Variants in PIWIL2 observed in about 807,000 individuals in gnomAD.
The protein encoded by PIWIL2 is piwi-like protein 2.
A neutral mutation model predicts 116.5 loss-of-function variants in PIWIL2; 81 were observed. That is an observed-to-expected ratio of 0.70 (90% CI 0.58 to 0.84). PIWIL2 has a LOEUF of 0.84. PIWIL2 is among the 40% of genes least tolerant of loss of function. The pLI is 0.00. For missense variants in PIWIL2, 1,272 were observed against 1,212.3 expected (o/e 1.05, Z -0.73); for synonymous variants, 489 against 429.5 (o/e 1.14, Z -1.71).
At position 22,308,871 on chromosome 8, in the gene PIWIL2, G is replaced by C. The variant is rs115439502; in HGVS notation, c.1686+798G>C. 4.6e-5 allele frequency among the ~76,000 whole-genome samples: 7 copies of C among 151,908 alleles called. 1 individual carries two copies. In the South Asian group the frequency reaches 1.3e-3, roughly 27 times the overall value. On this transcript the variant is annotated intron_variant, in intron 14 of 22. Transcript: ENST00000356766. ...ACCATGTTGCCATGGCTGGTCTCTCGAGCTCCTGACCTCAAATGATCCGCC... is the reference window on the plus strand; with the variant it reads ...ACCATGTTGCCATGGCTGGTCTCTCCAGCTCCTGACCTCAAATGATCCGCC...
chr8:22,303,231 C>T (rs994034669), intron 10 of PIWIL2, among the ~76,000 whole-genome samples: 2 of 152,146 alleles, frequency 1.3e-5, no homozygotes, highest in African/African-American at 2.4e-5. Context: ...TATACACATA[C>T]AAACACACCA....
At chr8:22,289,152 C>CTTTTTTTTTTTTTTTTT (rs374688951) in intron 8 of PIWIL2, among the ~76,000 whole-genome samples, 2 of 135,310 alleles carry the variant, frequency 1.5e-5, no homozygotes, top group African/African-American at 2.7e-5. Context: ...TTTCTTTTTT[C>CTTTTTTTTTTTTTTTTT]TTTTTTTTTT....
chr8:22,310,961 AT>A (rs1831314543), intron 15 of PIWIL2, 150 bp from the exon 16 acceptor site: 5 of 650,980 alleles, frequency 7.7e-6, no homozygotes, highest in Admixed American at 3.0e-5. Context: ...CAGTTTTCTT[AT>A]CATGTACGTT....
chr8:22,327,466 G>A (rs1459847730), intron 20 of PIWIL2, among the ~76,000 whole-genome samples: 1 of 149,734 alleles, frequency 6.7e-6, no homozygotes, highest in Non-Finnish European at 1.5e-5. Context: ...CTCCCGGGTT[G>A]AAGCGATTCT....
At chr8:22,331,600 A>T (rs761202866) in intron 20 of PIWIL2, among the ~76,000 whole-genome samples, 14 of 152,216 alleles carry the variant, frequency 9.2e-5, no homozygotes, top group Non-Finnish European at 2.1e-4. Context: ...TGAAAACTAC[A>T]GTAACTGAAA....
Position 22,352,811 on chromosome 8 carries a change from T to C in PIWIL2, c.2404-148T>C, listed in dbSNP as rs913257538. The stretch of plus-strand genomic sequence containing the variant: ...TCTAGAAATGATTAGAAGCTTTTTT[T>C]CCCTGCCCTCTAGGCACAGTAGCTT... On this transcript the variant is annotated intron_variant, in intron 20 of 22. Coordinates refer to ENST00000356766, the MANE Select transcript of PIWIL2 (RefSeq NM_018068.5). The C allele has an allele frequency of 7.0e-6, 5 of 711,276 alleles. No individual in the cohort carries two copies. The African/African-American group carries it at 7.1e-5, about 10-fold the overall frequency. 44.1% of individuals were successfully genotyped at this position (711,276 alleles called of 1,614,324 possible).
At chr8:22,293,986 G>T (rs1298299908) in intron 10 of PIWIL2, among the ~76,000 whole-genome samples, 1 of 152,166 alleles carries the variant, frequency 6.6e-6, no homozygotes, top group Non-Finnish European at 1.5e-5. Context: ...TGACTAGGGA[G>T]AATGTTCACT....
intron 10 of PIWIL2, among the ~76,000 whole-genome samples, chr8:22,290,966 G>GTATATATATATATATATATATATA (rs1187699809): frequency 1.3e-4 from 20 of 148,384 alleles, no homozygotes; most frequent in Non-Finnish European, 1.8e-4. Context: ...ATACAGATGT[G>GTATATATATATATATATATATATA]TATATATATT....
At chr8:22,280,734 T>A (rs893435516) in intron 2 of PIWIL2, among the ~76,000 whole-genome samples, 1 of 152,236 alleles carries the variant, frequency 6.6e-6, no homozygotes, top group Non-Finnish European at 1.5e-5. Flanking sequence ...ACTTGTTCTC[T>A]CTTGCCTTGA....
At chr8:22,302,349 T>C (rs1365685333) in intron 10 of PIWIL2, among the ~76,000 whole-genome samples, 1 of 152,040 alleles carries the variant, frequency 6.6e-6, no homozygotes, top group Non-Finnish European at 1.5e-5. Context: ...GCCCAGTTAA[T>C]TTTTGTATTT....
chr8:22,324,542 C>A (rs1445690257), intron 20 of PIWIL2, among the ~76,000 whole-genome samples: 1 of 152,062 alleles, frequency 6.6e-6, no homozygotes, highest in African/African-American at 2.4e-5. Context: ...TCCCTGTGAA[C>A]CCCAGTTTTG....
chr8:22,339,719 T>C (rs1168969930), intron 20 of PIWIL2, among the ~76,000 whole-genome samples: 2 of 152,198 alleles, frequency 1.3e-5, no homozygotes, highest in African/African-American at 2.4e-5. Context: ...AAGTCATTCA[T>C]CCGATACATA....
chr8:22,339,286 T>G (rs1187319009), intron 20 of PIWIL2, among the ~76,000 whole-genome samples: 2 of 152,084 alleles, frequency 1.3e-5, no homozygotes, highest in Non-Finnish European at 2.9e-5. Flanking sequence ...GGTGGGCAGA[T>G]CACGAGATCA....
At chr8:22,284,988 G>T (rs1830598192) in intron 6 of PIWIL2, among the ~76,000 whole-genome samples, 1 of 152,104 alleles carries the variant, frequency 6.6e-6, no homozygotes. Flanking sequence ...GTATATGTAT[G>T]AGTACAAGAT....
At chr8:22,349,595 A>T (rs1391283366) in intron 20 of PIWIL2, among the ~76,000 whole-genome samples, 2 of 151,836 alleles carry the variant, frequency 1.3e-5, no homozygotes, top group Admixed American at 1.3e-4. Flanking sequence ...CCCCAAATCC[A>T]CTGTACTGTC....
chr8:22,282,700 C>T (rs954094569), intron 4 of PIWIL2, among the ~76,000 whole-genome samples: 1 of 152,006 alleles, frequency 6.6e-6, no homozygotes, highest in South Asian at 2.1e-4. Context: ...AAGTGATCCT[C>T]CCACCTCAGC....
chr8:22,297,821 T>C (rs553113700), intron 10 of PIWIL2, among the ~76,000 whole-genome samples: 1 of 152,180 alleles, frequency 6.6e-6, no homozygotes, highest in South Asian at 2.1e-4. Context: ...AACCATAGGC[T>C]CTCAGGAAAG....
chr8:22,282,980 A>G, intron 4 of PIWIL2, 54 bp from the exon 5 acceptor site: 2 of 1,322,858 alleles, frequency 1.5e-6, no homozygotes, highest in Admixed American at 1.7e-5. Flanking sequence ...AATAATCTGG[A>G]TGGGACATAG....
chr8:22,320,756 A>T (rs1831579723), intron 20 of PIWIL2, among the ~76,000 whole-genome samples: 1 of 150,028 alleles, frequency 6.7e-6, no homozygotes, highest in African/African-American at 2.5e-5. Context: ...ACGCCTGGCT[A>T]ATTTTTTTGC....
Sources: gnomAD v4.1 joint callset for allele counts (sites outside exome capture counted in the v4.1 genomes callset) on GRCh38, gnomAD v4.1.1 for gene constraint, MANE v1.5 for transcripts, NCBI Gene and HGNC (gene_info 2026-07-23, HGNC 2026-07-21) for gene names.